The following UGT3A2 variants were observed in gnomAD, a reference collection of about 807,000 sequenced individuals.
The protein encoded by UGT3A2 is UDP-glycosyltransferase 3A2.
UGT3A2 carries 32 observed loss-of-function variants against 39.8 expected under a neutral mutation model. The ratio of observed to expected loss-of-function variants is 0.80; its 90% CI spans 0.61 to 1.08. The LOEUF (loss-of-function observed/expected upper bound fraction) is 1.08, where lower values mean the gene tolerates loss of function less well. Among genes scored for constraint, UGT3A2 ranks in the 50% least tolerant of loss-of-function variants. The probability of loss-of-function intolerance (pLI) is 0.00; values close to 1 mark genes in which losing one functional copy is unlikely to be tolerated. For missense variants in UGT3A2, 611 were observed against 637.1 expected, an observed-to-expected ratio of 0.96 and a Z score of 0.44; for synonymous variants, 241 against 230.7, an observed-to-expected ratio of 1.04 and a Z score of -0.40.
At position 36,039,725 on chromosome 5, in the gene UGT3A2, A is replaced by G; in HGVS notation, c.844-17T>C. The G allele has an allele frequency of 1.2e-6, 2 of 1,611,650 alleles. No homozygotes were observed. The highest frequency in any genetic ancestry group is 1.7e-6 in the Non-Finnish European group (2 of 1,177,942). ...CTCCAAGTCCTGGAGAAAGATTACC[A>G]AGGTAAAGAGGTGACAAAATTATTG... On this transcript the variant is annotated splice_polypyrimidine_tract_variant and intron_variant, in intron 4 of 6. Transcript: ENST00000282507.
chr5:36,051,919 CT>C lies in UGT3A2; in HGVS notation c.261del (p.Glu88AsnfsTer14). On this transcript the variant is annotated frameshift_variant, in exon 3 of 7. Transcript: ENST00000282507. LOFTEE classifies it high-confidence loss of function. ...AAGAAATCAAAACTCTTTTTAAATTCTCTTTGATGATCTTCAGGTGCAAGCC... is the reference window on the plus strand; with the variant it reads ...AAGAAATCAAAACTCTTTTTAAATTCCTTTGATGATCTTCAGGTGCAAGCC... ...ISWLAPEDHQ[R>X]EFKKSFDFFL... The C allele has an allele frequency of 1.3e-6, 2 of 1,592,920 alleles. No homozygotes were observed. Among genetic ancestry groups the C allele is most frequent in the Non-Finnish European group, 1.7e-6 (2 of 1,174,600 alleles).
chr5:36,036,999 C>G (rs568687189), intron 6 of UGT3A2, among the ~76,000 whole-genome samples: 3 of 152,210 alleles, frequency 2.0e-5, no homozygotes. Context: ...TACTTTGTGG[C>G]AGATCCTGTG....
chr5:36,045,182 T>C (rs903706959), intron 4 of UGT3A2, among the ~76,000 whole-genome samples: 2 of 152,040 alleles, frequency 1.3e-5, no homozygotes, highest in African/African-American at 4.8e-5. Flanking sequence ...AATAAATCCA[T>C]ACATCTGCGG....
chr5:36,053,385 T>C (rs1742409124), intron 2 of UGT3A2, among the ~76,000 whole-genome samples: 1 of 152,216 alleles, frequency 6.6e-6, no homozygotes, highest in Non-Finnish European at 1.5e-5. Flanking sequence ...TAGGCCTTTT[T>C]TACACTTTAA....
chr5:36,058,545 G>A (rs1469355592), intron 2 of UGT3A2, among the ~76,000 whole-genome samples: 2 of 152,064 alleles, frequency 1.3e-5, no homozygotes, highest in African/African-American at 4.8e-5. Context: ...CCCAAGTGCA[G>A]TGCTTCTTGT....
rs752308627 is a variant in UGT3A2, at chr5:36,035,840, T to G, written c.1430A>C (p.Gln477Pro). The change falls in exon 7 of 7, where the codon CAG becomes CCG. Residue 477 changes from glutamine to proline, a missense_variant. Transcript: ENST00000282507. ...GATHLKPYVF[Q>P]QPWHEQYLLD... ...CAGGTACTGCTCATGCCAGGGCTGC[T>G]GAAAGACATAGGGCTTGAGGTGCGT... is the stretch of plus-strand genomic sequence containing the variant. 6.2e-7 allele frequency: 1 copy of G among 1,614,110 alleles called. No individual in the cohort carries two copies. Among genetic ancestry groups the G allele is most frequent in the South Asian group, 1.1e-5 (1 of 91,070 alleles).
intron 2 of UGT3A2, among the ~76,000 whole-genome samples, chr5:36,062,993 A>C (rs1196126553): frequency 6.6e-6 from 1 of 151,906 alleles, no homozygotes; most frequent in Non-Finnish European, 1.5e-5. Context: ...GTGAGCCAAG[A>C]TCATGCCACT....
At chr5:36,054,361 A>G (rs1742440210) in intron 2 of UGT3A2, among the ~76,000 whole-genome samples, 1 of 152,200 alleles carries the variant, frequency 6.6e-6, no homozygotes, top group Non-Finnish European at 1.5e-5. Context: ...AGTGTTCTCT[A>G]GATCCCAGAC....
At position 36,035,663 on chromosome 5, in the gene UGT3A2, C is replaced by T; in HGVS notation, c.*35G>A. 3.1e-6 allele frequency: 5 copies of T among 1,600,854 alleles called. No homozygotes were observed. The highest frequency in any genetic ancestry group is 4.3e-6 in the Non-Finnish European group (5 of 1,170,924). On this transcript the variant is annotated 3_prime_UTR_variant, in exon 7 of 7. Transcript: ENST00000282507. The stretch of plus-strand genomic sequence containing the variant: ...AGCTCCCTAGAAATGGTGACATCGC[C>T]CACCAAACAGACCCCGCCAAGGCTG...
chr5:36,064,122 C>T (rs760106426), intron 2 of UGT3A2, 127 bp downstream of exon 2: 23 of 867,988 alleles, frequency 2.6e-5, no homozygotes, highest in Non-Finnish European at 3.9e-5. Context: ...CATACACACA[C>T]ACACAAGCTT....
intron 4 of UGT3A2, among the ~76,000 whole-genome samples, chr5:36,045,399 T>C (rs1474271878): frequency 6.6e-6 from 1 of 151,632 alleles, no homozygotes; most frequent in African/African-American, 2.4e-5. Flanking sequence ...AGGACAGGAG[T>C]TTGAGGCCAG....
chr5:36,060,653 G>A (rs547481064), intron 2 of UGT3A2, among the ~76,000 whole-genome samples: 7 of 152,168 alleles, frequency 4.6e-5, no homozygotes, highest in African/African-American at 1.7e-4. Context: ...TTTTACGTTC[G>A]TCATCCTTCG....
rs1426356351 is a variant in UGT3A2 at position 36,051,988 on chromosome 5, A to T, written c.197-4T>A. On this transcript the variant is annotated splice_region_variant and splice_polypyrimidine_tract_variant and intron_variant, in intron 2 of 6. Coordinates refer to ENST00000282507, the MANE Select transcript of UGT3A2 (RefSeq NM_174914.4). ...GATTTTTCTTCCTTTTTAAAATCTA[A>T]GAAAACAGCAACGGGTTAAAAAAAA... The T allele has an allele frequency of 1.3e-6, 2 of 1,552,418 alleles. No homozygotes were observed. The highest frequency in any genetic ancestry group is 4.4e-5 in the Admixed American group (2 of 45,548).
chr5:36,054,658 T>C (rs1742450215), intron 2 of UGT3A2, among the ~76,000 whole-genome samples: 1 of 148,368 alleles, frequency 6.7e-6, no homozygotes. Context: ...ATACCAATTA[T>C]AGACATTATT....
chr5:36,051,592 T>G (rs972899544), intron 3 of UGT3A2, among the ~76,000 whole-genome samples: 1 of 152,202 alleles, frequency 6.6e-6, no homozygotes, highest in African/African-American at 2.4e-5. Flanking sequence ...ATTTCCCACT[T>G]TCTGCAGAAA....
chr5:36,065,505 T>G (rs76452638), intron 1 of UGT3A2, among the ~76,000 whole-genome samples: 1 of 152,120 alleles, frequency 6.6e-6, no homozygotes, highest in Admixed American at 6.5e-5. Flanking sequence ...CATCAACTCC[T>G]TCTTGGAGCC....
At chr5:36,044,386 T>C (rs1034800352) in intron 4 of UGT3A2, among the ~76,000 whole-genome samples, 2 of 152,100 alleles carry the variant, frequency 1.3e-5, no homozygotes, top group Non-Finnish European at 2.9e-5. Context: ...AGTATCACAC[T>C]AAATGGGGAA....
At chr5:36,045,624 G>T (rs765626736) in intron 4 of UGT3A2, among the ~76,000 whole-genome samples, 44 of 150,360 alleles carry the variant, frequency 2.9e-4, no homozygotes, top group Non-Finnish European at 4.7e-4. Flanking sequence ...AAAAGAAAAA[G>T]AAAAGAAAAG....
intron 4 of UGT3A2, among the ~76,000 whole-genome samples, chr5:36,041,963 G>A (rs928625714): frequency 2.0e-5 from 3 of 151,882 alleles, no homozygotes; most frequent in Non-Finnish European, 2.9e-5. Flanking sequence ...TTTCAGACAC[G>A]GAATTCAAAA....
Sources: allele counts gnomAD v4.1 joint callset (sites outside exome capture counted in the v4.1 genomes callset), GRCh38; gene constraint gnomAD v4.1.1; transcripts MANE v1.5; gene names NCBI Gene and HGNC (gene_info 2026-07-23, HGNC 2026-07-21).